PRKG2: variants seen among roughly 807,000 people sequenced by gnomAD.
PRKG2 encodes protein kinase cGMP-dependent 2.
In PRKG2, 33 loss-of-function variants were observed where a neutral mutation model predicts 97.2. The ratio of observed to expected loss-of-function variants is 0.34; its 90% CI spans 0.26 to 0.45. PRKG2 has a LOEUF of 0.45. Ranked by LOEUF, PRKG2 falls within the 20% of genes least tolerant of loss-of-function variation. The pLI is 1.00. For synonymous variants in PRKG2, 330 were observed against 321.8 expected, an observed-to-expected ratio of 1.03 and a Z score of -0.27; for missense variants, 638 against 900.0, an observed-to-expected ratio of 0.71 and a Z score of 3.73.
At chr4:81,132,285 C>A (rs570232801) in intron 14 of PRKG2, among the ~76,000 whole-genome samples, 13 of 152,030 alleles carry the variant, frequency 8.6e-5, no homozygotes, top group African/African-American at 3.1e-4. Flanking sequence ...TTTCAAGTAC[C>A]TCTTTGGTAG....
At chr4:81,105,314 C>A (rs1279626219) in intron 16 of PRKG2, among the ~76,000 whole-genome samples, 2 of 152,146 alleles carry the variant, frequency 1.3e-5, no homozygotes, top group Non-Finnish European at 2.9e-5. Context: ...CCTTCCGAGT[C>A]CCTGATATCT....
At chr4:81,130,428 AC>A (rs1422832265) in intron 14 of PRKG2, among the ~76,000 whole-genome samples, 1 of 152,074 alleles carries the variant, frequency 6.6e-6, no homozygotes, top group Non-Finnish European at 1.5e-5. Flanking sequence ...ATCTGTTGAT[AC>A]CTGCTGGGAG....
At chr4:81,117,482 GT>G (rs921332440) in intron 14 of PRKG2, among the ~76,000 whole-genome samples, 14 of 152,226 alleles carry the variant, frequency 9.2e-5, no homozygotes, top group Admixed American at 8.5e-4. Context: ...ATTATGTACA[GT>G]GTTTGCCCTA....
At chr4:81,216,422 G>A (rs1754275373), upstream of PRKG2, among the ~76,000 whole-genome samples, 1 of 151,822 alleles carries the variant, frequency 6.6e-6, no homozygotes, top group Non-Finnish European at 1.5e-5. Context: ...CAAGAAAAGA[G>A]AAAATAAGTA....
At chr4:81,104,337 T>C (rs1181735076) in intron 17 of PRKG2, 33 bp downstream of exon 17, 1 of 1,459,624 alleles carries the variant, frequency 6.9e-7, no homozygotes, top group Non-Finnish European at 9.3e-7. Flanking sequence ...TCTAAATTTC[T>C]ATATTTTTCT....
chr4:81,119,743 C>T (rs1182661382), intron 14 of PRKG2, among the ~76,000 whole-genome samples: 2 of 149,764 alleles, frequency 1.3e-5, no homozygotes, highest in Non-Finnish European at 3.0e-5. Context: ...GGTGAGATCT[C>T]GGCTCACTGC....
At chr4:81,101,042 C>A (rs1283275626) in intron 17 of PRKG2, among the ~76,000 whole-genome samples, 1 of 151,840 alleles carries the variant, frequency 6.6e-6, no homozygotes, top group Non-Finnish European at 1.5e-5. Flanking sequence ...GTTAGAATGG[C>A]GATCATTAAA....
intron 8 of PRKG2, among the ~76,000 whole-genome samples, chr4:81,149,154 T>C (rs1274564248): frequency 6.6e-6 from 1 of 152,082 alleles, no homozygotes; most frequent in East Asian, 1.9e-4. Context: ...ACACAAAGAA[T>C]TCAGAGGAGA....
At chr4:81,125,816 G>A (rs186334210) in intron 14 of PRKG2, among the ~76,000 whole-genome samples, 1 of 152,024 alleles carries the variant, frequency 6.6e-6, no homozygotes, top group Non-Finnish European at 1.5e-5. Context: ...GTTTTAATCT[G>A]CATTTCCTTG....
intron 18 of PRKG2, among the ~76,000 whole-genome samples, chr4:81,091,707 G>A (rs1741553203): frequency 1.3e-5 from 2 of 152,118 alleles, no homozygotes; most frequent in African/African-American, 4.8e-5. Flanking sequence ...ATAGATCTTT[G>A]CAATCTTTTG....
chr4:81,144,869 G>A (rs977747692), intron 9 of PRKG2, among the ~76,000 whole-genome samples: 1 of 147,388 alleles, frequency 6.8e-6, no homozygotes, highest in African/African-American at 2.5e-5. Context: ...TTGGTTTTTT[G>A]TCCTTGCGAT....
At chr4:81,216,255 G>A (rs896823064), upstream of PRKG2, among the ~76,000 whole-genome samples, 3 of 152,090 alleles carry the variant, frequency 2.0e-5, no homozygotes, top group African/African-American at 7.2e-5. Flanking sequence ...AGTTTCAGAG[G>A]AGGAGGAATA....
intron 14 of PRKG2, among the ~76,000 whole-genome samples, chr4:81,129,537 T>C (rs1025016860): frequency 2.0e-5 from 3 of 152,224 alleles, no homozygotes; most frequent in Admixed American, 6.5e-5. Context: ...TGCATACATA[T>C]TCAGGATAGT....
intron 2 of PRKG2, among the ~76,000 whole-genome samples, chr4:81,177,101 A>G (rs1168298044): frequency 6.6e-6 from 1 of 152,114 alleles, no homozygotes; most frequent in East Asian, 1.9e-4. Context: ...CAAACCTTAT[A>G]CATTCACCAA....
At chr4:81,197,092 T>C (rs558081281) in intron 2 of PRKG2, among the ~76,000 whole-genome samples, 1 of 152,248 alleles carries the variant, frequency 6.6e-6, no homozygotes, top group East Asian at 1.9e-4. Flanking sequence ...GGAGGTTCTG[T>C]GGAAACTGAA....
chr4:81,184,089 T>C (rs761998834), intron 2 of PRKG2, among the ~76,000 whole-genome samples: 11 of 152,200 alleles, frequency 7.2e-5, no homozygotes, highest in Non-Finnish European at 1.5e-4. Context: ...TAAATGATCC[T>C]GCCTGCTGGC....
At chr4:81,178,369 G>A (rs140622895) in intron 2 of PRKG2, among the ~76,000 whole-genome samples, 23 of 151,982 alleles carry the variant, frequency 1.5e-4, no homozygotes, top group Non-Finnish European at 3.1e-4. Context: ...GGCATACTAA[G>A]AGAAAAGCCC....
intron 4 of PRKG2, among the ~76,000 whole-genome samples, 174 bp from the exon 5 acceptor site, chr4:81,169,942 A>T (rs1004817188): frequency 3.2e-4 from 48 of 152,222 alleles, no homozygotes; most frequent in African/African-American, 1.1e-3. Context: ...CAATTTTATA[A>T]ATCATTTTGG....
chr4:81,173,960 A>T (rs1434890757), intron 3 of PRKG2: 1 of 151,926 alleles, frequency 6.6e-6, no homozygotes, highest in Admixed American at 6.6e-5. Flanking sequence ...TTTCCCTAAA[A>T]CTCAAAAAGT....
Sources: allele counts gnomAD v4.1 joint callset (sites outside exome capture counted in the v4.1 genomes callset), GRCh38; gene constraint gnomAD v4.1.1; transcripts MANE v1.5; gene names NCBI Gene and HGNC (gene_info 2026-07-23, HGNC 2026-07-21).